Variants in APOLD1 observed in about 807,000 individuals in gnomAD.
APOLD1 encodes the protein apolipoprotein L domain-containing protein 1.
A neutral mutation model predicts 15.3 loss-of-function variants in APOLD1; 22 were observed. The ratio of observed to expected loss-of-function variants is 1.44; its 90% CI spans 1.03 to 2.05. The LOEUF is 2.05. Among genes scored for constraint, APOLD1 ranks in the 30% most tolerant of loss-of-function variants. The pLI, the probability that APOLD1 is intolerant of heterozygous loss-of-function variation, is 0.00. For missense variants in APOLD1, 394 were observed against 353.5 expected, an observed-to-expected ratio of 1.11 and a Z score of -0.92; for synonymous variants, 190 against 167.4, an observed-to-expected ratio of 1.13 and a Z score of -1.04.
chr12:12,780,202 T>A (rs1947068160), intron 1 of APOLD1, among the ~76,000 whole-genome samples: 1 of 151,818 alleles, frequency 6.6e-6, no homozygotes, highest in Non-Finnish European at 1.5e-5. Flanking sequence ...TTCAAAGAAA[T>A]CATGGGCAAA....
At chr12:12,756,212 GT>G (rs1174460178) in intron 1 of APOLD1, among the ~76,000 whole-genome samples, 2 of 152,196 alleles carry the variant, frequency 1.3e-5, no homozygotes, top group Non-Finnish European at 2.9e-5. Context: ...ATGTTGTTGT[GT>G]TTTTAACCTT....
rs915291382 is a variant in APOLD1 at position 12,771,635 on chromosome 12, A to G, written c.97-15274A>G. ...GTTCTTTGATAATTTTCTGCTTGCT[A>G]TTGTCAGAGTTCATTGAAACCCAAG... On this transcript the variant is annotated intron_variant, in intron 1 of 1. Transcript: ENST00000326765. 5 of 500,044 alleles carry G rather than the reference A, an allele frequency of 1.0e-5. No individual in the cohort carries two copies. The East Asian group carries it at 1.7e-4, about 17-fold the overall frequency. 31.0% of individuals were successfully genotyped at this position (500,044 alleles called of 1,614,324 possible).
At chr12:12,727,909 C>G (rs1017903324) in intron 1 of APOLD1, among the ~76,000 whole-genome samples, 5 of 151,758 alleles carry the variant, frequency 3.3e-5, no homozygotes, top group African/African-American at 1.2e-4. Flanking sequence ...ATCTCTGAAA[C>G]CTTTAAATAG....
At chr12:12,761,837 A>ATATATATAT (rs1946902570) in intron 1 of APOLD1, among the ~76,000 whole-genome samples, 1 of 130,382 alleles carries the variant, frequency 7.7e-6, no homozygotes, top group African/African-American at 3.9e-5. Context: ...GTATAGAGAG[A>ATATATATAT]GAGAGAGAGA....
intron 1 of APOLD1, among the ~76,000 whole-genome samples, chr12:12,777,772 C>T (rs1327658866): frequency 6.6e-6 from 1 of 152,000 alleles, no homozygotes; most frequent in African/African-American, 2.4e-5. Flanking sequence ...AACGTCTCAA[C>T]CTGTGTATCC....
At chr12:12,737,988 T>G (rs1052251252) in intron 1 of APOLD1, among the ~76,000 whole-genome samples, 1 of 152,170 alleles carries the variant, frequency 6.6e-6, no homozygotes, top group African/African-American at 2.4e-5. Flanking sequence ...ATACCTTAAT[T>G]CTGTTTCCTG....
chr12:12,775,849 C>A (rs565343231), intron 1 of APOLD1, among the ~76,000 whole-genome samples: 34 of 151,648 alleles, frequency 2.2e-4, no homozygotes, highest in African/African-American at 8.0e-4. Flanking sequence ...AATTTTCTTT[C>A]TTTAATTAGC....
intron 1 of APOLD1, among the ~76,000 whole-genome samples, chr12:12,750,608 G>C (rs1186512063): frequency 6.6e-6 from 1 of 151,800 alleles, no homozygotes; most frequent in African/African-American, 2.4e-5. Context: ...AATATTATTG[G>C]TATTTTCTTA....
intron 1 of APOLD1, among the ~76,000 whole-genome samples, chr12:12,744,923 A>C (rs1390877062): frequency 6.6e-6 from 1 of 152,072 alleles, no homozygotes; most frequent in Non-Finnish European, 1.5e-5. Context: ...CCCTTCACCA[A>C]ATATCACTAT....
At chr12:12,760,581 G>C (rs1408676637) in intron 1 of APOLD1, among the ~76,000 whole-genome samples, 1 of 150,914 alleles carries the variant, frequency 6.6e-6, no homozygotes, top group Admixed American at 6.6e-5. Context: ...AGAGGTTGCA[G>C]TGAGCCGAGA....
intron 1 of APOLD1, among the ~76,000 whole-genome samples, chr12:12,731,877 G>A (rs1002475965): frequency 1.3e-5 from 2 of 152,180 alleles, no homozygotes; most frequent in Admixed American, 1.3e-4. Context: ...TGGAAGCCAC[G>A]ACCGTCTTTC....
rs1244424244 is a variant in APOLD1 at position 12,788,671 on chromosome 12, G to A, written c.*1019G>A. The A allele has an allele frequency of 1.3e-5, 2 of 152,170 alleles. No homozygotes were observed. The highest frequency in any genetic ancestry group is 2.9e-5 in the Non-Finnish European group (2 of 68,032). The allele number at this position is 152,170 out of a possible 1,614,324, so 9.4% of individuals were successfully genotyped here. A position where few individuals can be genotyped will look rare whatever the true frequency, so the allele number is the denominator to read the frequency against. On this transcript the variant is annotated 3_prime_UTR_variant, in exon 2 of 2. Coordinates refer to ENST00000356591, the MANE Select transcript of APOLD1 (RefSeq NM_030817.3). Reference sequence around the variant, plus strand: ...TTGGACACAACCCTCCTGATTTATGGAATCAGAAACTCTGGCTGTGGGGCC... The same window carrying A: ...TTGGACACAACCCTCCTGATTTATGAAATCAGAAACTCTGGCTGTGGGGCC...
intron 1 of APOLD1, among the ~76,000 whole-genome samples, chr12:12,763,110 C>T (rs1367833632): frequency 2.6e-5 from 4 of 151,900 alleles, no homozygotes; most frequent in Non-Finnish European, 5.9e-5. Context: ...GGTGACAGAG[C>T]AAGACCCTGT....
At chr12:12,763,164 A>G (rs1258865305) in intron 1 of APOLD1, among the ~76,000 whole-genome samples, 9 of 152,202 alleles carry the variant, frequency 5.9e-5, no homozygotes, top group Admixed American at 5.9e-4. Flanking sequence ...AAAGTTGTAT[A>G]TACTCATTGT....
At chr12:12,755,161 A>G (rs553277201) in intron 1 of APOLD1, among the ~76,000 whole-genome samples, 1 of 152,368 alleles carries the variant, frequency 6.6e-6, no homozygotes, top group Non-Finnish European at 1.5e-5. Context: ...CTCATATATG[A>G]AAACTTTATT....
rs545529678 is a variant in APOLD1 at position 12,761,948 on chromosome 12, G to C, written c.97-24961G>C. On this transcript the variant is annotated intron_variant, in intron 1 of 1. Coordinates refer to the APOLD1 transcript ENST00000326765. ...ACTCCTGAGTTTAAGCAATCCTATTGACCCAGCCTCCCAAGTAGCTGGGAC... is the reference window on the plus strand; with the variant it reads ...ACTCCTGAGTTTAAGCAATCCTATTCACCCAGCCTCCCAAGTAGCTGGGAC... 2.0e-3 allele frequency among the ~76,000 whole-genome samples: 307 copies of C among 151,040 alleles called. 1 individual carries two copies. Among genetic ancestry groups the C allele is most frequent in the African/African-American group, 6.4e-3 (263 of 41,136 alleles).
chr12:12,732,350 G>T (rs1297055689), intron 1 of APOLD1, among the ~76,000 whole-genome samples: 2 of 152,174 alleles, frequency 1.3e-5, no homozygotes, highest in Admixed American at 1.3e-4. Flanking sequence ...GTTAATTACT[G>T]CTGTTATTAC....
chr12:12,742,099 A>G (rs1223583613), intron 1 of APOLD1, among the ~76,000 whole-genome samples: 2 of 152,238 alleles, frequency 1.3e-5, no homozygotes, highest in Non-Finnish European at 1.5e-5. Flanking sequence ...TTGTTTCATT[A>G]AAAACAAGAA....
chr12:12,763,001 C>A (rs748399525), intron 1 of APOLD1, among the ~76,000 whole-genome samples: 1 of 151,706 alleles, frequency 6.6e-6, no homozygotes, highest in Admixed American at 6.6e-5. Flanking sequence ...TTTTAAAAGC[C>A]GGGTGTAGTA....
Sources: allele counts gnomAD v4.1 joint callset (sites outside exome capture counted in the v4.1 genomes callset), GRCh38; gene constraint gnomAD v4.1.1; transcripts MANE v1.5; gene names NCBI Gene and HGNC (gene_info 2026-07-23, HGNC 2026-07-21).